KAZN: variants seen among roughly 807,000 people sequenced by gnomAD.
KAZN encodes the protein kazrin, periplakin interacting protein.
A neutral mutation model predicts 87.4 loss-of-function variants in KAZN; 40 were observed. The observed-to-expected ratio is 0.46, with a 90% CI of 0.36 to 0.60. The LOEUF (loss-of-function observed/expected upper bound fraction) is 0.60. KAZN is among the 20% of genes least tolerant of loss of function. The pLI is 0.00. For synonymous variants in KAZN, 466 were observed against 458.3 expected (o/e 1.02, Z -0.22); for missense variants, 898 against 1,073.9 (o/e 0.84, Z 2.29).
chr1:14,072,407 G>A (rs577959646), intron 1 of KAZN, among the ~76,000 whole-genome samples: 100 of 152,154 alleles, frequency 6.6e-4, no homozygotes, highest in Non-Finnish European at 7.9e-4. Flanking sequence ...CCAGGGCCTC[G>A]GAAAGATGGT....
chr1:14,427,855 G>T (rs1348323749), intron 2 of KAZN, among the ~76,000 whole-genome samples: 2 of 152,082 alleles, frequency 1.3e-5, no homozygotes, highest in African/African-American at 2.4e-5. Flanking sequence ...ATTTATAATG[G>T]ACTACCTGTA....
chr1:14,672,270 T>C (rs912760666), intron 1 of KAZN, among the ~76,000 whole-genome samples: 24 of 152,308 alleles, frequency 1.6e-4, no homozygotes, highest in African/African-American at 5.8e-4. Flanking sequence ...CTTATTGTGG[T>C]TCATTTCCTC....
chr1:14,823,366 G>C (rs151300914), intron 1 of KAZN, among the ~76,000 whole-genome samples: 1 of 152,214 alleles, frequency 6.6e-6, no homozygotes, highest in Non-Finnish European at 1.5e-5. Context: ...GGAAGCCCAG[G>C]AGATACCCCA....
intron 1 of KAZN, among the ~76,000 whole-genome samples, chr1:14,014,841 A>G (rs1474604829): frequency 6.6e-6 from 1 of 152,188 alleles, no homozygotes; most frequent in African/African-American, 2.4e-5. Context: ...AAATGGTGCT[A>G]CCCTAATCCG....
chr1:14,820,913 C>T lies in KAZN; in HGVS notation c.227-139771C>T, dbSNP rs71629900. Among the ~76,000 whole-genome samples the T allele has an allele frequency of 2.0e-5, 3 of 152,022 alleles. No individual in the cohort carries two copies. The highest frequency in any genetic ancestry group is 6.6e-5 in the Admixed American group (1 of 15,256). On this transcript the variant is annotated intron_variant, in intron 1 of 14. Coordinates refer to ENST00000376030, the MANE Select transcript of KAZN (RefSeq NM_201628.3). This position sits in a 1 kb window ranked among gnomAD's most constrained non-coding sequence, Gnocchi z 4.1. ...AGCAAAAGGTGAATAAGGGCTCAGA[C>T]GACATGACGGCACCGGGGATGGCAA...
In KAZN at chr1:14,163,481, G is replaced by A. The variant is rs923517316; in HGVS notation, c.92-16954G>A. ...ACATTGTGCATATCTTTCCCTTACCGGTCAAGTGTTCCTAGAGGAAGGTCA... is the reference window on the plus strand; with the variant it reads ...ACATTGTGCATATCTTTCCCTTACCAGTCAAGTGTTCCTAGAGGAAGGTCA... On this transcript the variant is annotated intron_variant, in intron 1 of 16. Transcript: ENST00000636203. 5.3e-5 allele frequency among the ~76,000 whole-genome samples: 8 copies of A among 152,052 alleles called. No homozygotes were observed. The East Asian group carries it at 7.7e-4, about 15-fold the overall frequency.
intron 1 of KAZN, among the ~76,000 whole-genome samples, chr1:14,918,710 ATATATATATATATATATATATATAT>A (rs1658169409): frequency 7.9e-4 from 3 of 3,812 alleles, no homozygotes; most frequent in Non-Finnish European, 9.8e-4. Context: ...AAAAAAAAAT[ATATATATATATATATATATATATAT>A]ATATATATAT....
intron 2 of KAZN, among the ~76,000 whole-genome samples, chr1:14,420,855 G>A (rs751121894): frequency 4.9e-5 from 7 of 142,856 alleles, no homozygotes; most frequent in South Asian, 4.3e-4. Context: ...GGAGCGCTGC[G>A]CACAGCCCCG....
chr1:14,300,204 G>A (rs909846908), intron 2 of KAZN, among the ~76,000 whole-genome samples: 19 of 152,164 alleles, frequency 1.2e-4, no homozygotes, highest in African/African-American at 3.9e-4. Context: ...GCAGGGACTC[G>A]GAGCCTCGTT....
chr1:14,389,535 C>T (rs1215325708), intron 2 of KAZN, among the ~76,000 whole-genome samples: 1 of 152,136 alleles, frequency 6.6e-6, no homozygotes, highest in Non-Finnish European at 1.5e-5. Context: ...AGAACAAGAT[C>T]CTGTCATTTG....
intron 2 of KAZN, among the ~76,000 whole-genome samples, chr1:14,276,081 C>G (rs990555206): frequency 6.6e-6 from 1 of 152,102 alleles, no homozygotes; most frequent in Non-Finnish European, 1.5e-5. Context: ...CTCCCAGCTG[C>G]TCTTGTCATT....
Position 14,773,508 on chromosome 1 carries a change from T to C in KAZN, c.226+174285T>C, listed in dbSNP as rs1310561885. 6.6e-6 allele frequency among the ~76,000 whole-genome samples: 1 copy of C among 152,118 alleles called. No individual in the cohort carries two copies. The highest frequency in any genetic ancestry group is 1.5e-5 in the Non-Finnish European group (1 of 68,016). On this transcript the variant is annotated intron_variant, in intron 1 of 14. Transcript: ENST00000376030. This position sits in a 1 kb window ranked among gnomAD's most constrained non-coding sequence, Gnocchi z 5.9. ...AGGAAGGCCCTTCCAGAGTGGTCAC[T>C]GGGAGGCAAAAGGGCCTGGCTTCCC...
At chr1:14,494,146 G>T (rs949218753) in intron 2 of KAZN, among the ~76,000 whole-genome samples, 1 of 152,160 alleles carries the variant, frequency 6.6e-6, no homozygotes, top group East Asian at 1.9e-4. Flanking sequence ...CCCATCCAGG[G>T]CTGAGCACTG....
At chr1:15,083,681 T>A (rs1022032374) in intron 8 of KAZN, among the ~76,000 whole-genome samples, 3 of 151,508 alleles carry the variant, frequency 2.0e-5, no homozygotes, top group Non-Finnish European at 4.4e-5. Context: ...TAGGCCTGTC[T>A]CTCTGTCTCT....
chr1:13,920,104 GT>G (rs1383495394), intron 1 of KAZN, among the ~76,000 whole-genome samples: 1 of 152,050 alleles, frequency 6.6e-6, no homozygotes, highest in African/African-American at 2.4e-5. Context: ...ACAAAAATTA[GT>G]TGGGGCTGGT....
chr1:13,919,255 C>T (rs1639974203), intron 1 of KAZN, among the ~76,000 whole-genome samples: 1 of 152,204 alleles, frequency 6.6e-6, no homozygotes, highest in Non-Finnish European at 1.5e-5. Flanking sequence ...CTGACTTCTT[C>T]CAATATAGTG....
At chr1:14,388,400 C>CGATA (rs1345047493) in intron 2 of KAZN, among the ~76,000 whole-genome samples, 2 of 152,172 alleles carry the variant, frequency 1.3e-5, no homozygotes, top group Non-Finnish European at 1.5e-5. Context: ...ATAGCCAAGG[C>CGATA]TATCCTAAAC....
intron 3 of KAZN, among the ~76,000 whole-genome samples, chr1:15,040,669 G>A (rs1194352231): frequency 1.3e-5 from 2 of 152,076 alleles, no homozygotes; most frequent in Non-Finnish European, 1.5e-5. Flanking sequence ...GGGAGGCTGA[G>A]GCAGGAGAAT....
At chr1:14,399,633 G>A (rs1287400557) in intron 2 of KAZN, among the ~76,000 whole-genome samples, 2 of 152,036 alleles carry the variant, frequency 1.3e-5, no homozygotes, top group Non-Finnish European at 2.9e-5. Flanking sequence ...TCTCTGTCCT[G>A]GGTCACAGCT....
Sources: allele counts gnomAD v4.1 joint callset (sites outside exome capture counted in the v4.1 genomes callset), GRCh38; gene constraint gnomAD v4.1.1; non-coding constraint Gnocchi (gnomAD v3.1); transcripts MANE v1.5; gene names NCBI Gene and HGNC (gene_info 2026-07-23, HGNC 2026-07-21).